GLRX2: variants seen among roughly 807,000 people sequenced by gnomAD.
GLRX2 encodes the protein bA101E13.1 (GRX2 glutaredoxin (thioltransferase) 2).
Under a neutral mutation model 16.4 loss-of-function variants are expected in GLRX2, and 12 were observed. That is an observed-to-expected ratio of 0.73 (90% CI 0.47 to 1.19). The LOEUF is 1.19. Among genes scored for constraint, GLRX2 ranks in the 50% most tolerant of loss-of-function variants. GLRX2 has a pLI of 0.00. For synonymous variants in GLRX2, 95 were observed against 76.2 expected, an observed-to-expected ratio of 1.25 and a Z score of -1.28; for missense variants, 201 against 201.8, an observed-to-expected ratio of 1.00 and a Z score of 0.02.
rs772567529 is a variant in GLRX2 at position 193,097,585 on chromosome 1, G to A, written c.359C>T (p.Thr120Ile). The change falls in exon 3 of 4, where the codon ACT becomes ATT. Residue 120 changes from threonine (T) to isoleucine (I), a missense_variant and splice_region_variant. Physicochemically the swap from Thr to Ile is moderately conservative, Grantham distance 89 (BLOSUM62 -1). Transcript: ENST00000367439. ...DALYKMTGER[T>I]VPRIFVNGTF... is the part of the protein sequence containing the mutation. ...CAGCACCACAGAGGATATACTCACA[G>A]TTCTTTCACCAGTCATTTTGTAAAG... 6.2e-7 allele frequency: 1 copy of A among 1,604,540 alleles called. No individual in the cohort carries two copies. The highest frequency in any genetic ancestry group is 8.5e-7 in the Non-Finnish European group (1 of 1,175,946).
At chr1:193,101,517 T>C (rs1675077485) in intron 1 of GLRX2, among the ~76,000 whole-genome samples, 1 of 152,212 alleles carries the variant, frequency 6.6e-6, no homozygotes, top group Non-Finnish European at 1.5e-5. Flanking sequence ...TCCTATGCCA[T>C]ATGACCTGAC....
rs542269155 is a variant in GLRX2 at position 193,100,633 on chromosome 1, AG to A, written c.183+507del. ...AAAATGGTATGTCTTGTAGGTTGCA[AG>A]GGAAGAAAAACATACATGTAAGAGA... On this transcript the variant is annotated intron_variant, in intron 2 of 3. Coordinates refer to ENST00000367439, the MANE Select transcript of GLRX2 (RefSeq NM_197962.3). 6.1e-4 allele frequency among the ~76,000 whole-genome samples: 93 copies of A among 152,226 alleles called. 1 individual carries two copies. The Middle Eastern group carries it at 0.01, about 17-fold the overall frequency.
At chr1:193,101,431 A>G (rs1490243304) in intron 1 of GLRX2, among the ~76,000 whole-genome samples, 1 of 152,234 alleles carries the variant, frequency 6.6e-6, no homozygotes, top group African/African-American at 2.4e-5. Context: ...ACCCTTAATT[A>G]TTTGATAAAA....
chr1:193,105,676 G>T (rs750133301), upstream of GLRX2: 3 of 1,565,930 alleles, frequency 1.9e-6, no homozygotes, highest in Non-Finnish European at 2.6e-6. Flanking sequence ...GTTTAGGGAC[G>T]CTCATAAAGG....
chr1:193,103,391 T>C (rs1294799826), intron 1 of GLRX2, among the ~76,000 whole-genome samples: 3 of 152,158 alleles, frequency 2.0e-5, no homozygotes, highest in Non-Finnish European at 4.4e-5. Flanking sequence ...GACAGCAATG[T>C]GTTATGCCAA....
At chr1:193,101,408 C>G (rs1431501390) in intron 1 of GLRX2, among the ~76,000 whole-genome samples, 1 of 152,194 alleles carries the variant, frequency 6.6e-6, no homozygotes, top group Non-Finnish European at 1.5e-5. Context: ...GCTTATGTAA[C>G]TAGCTTCCCA....
chr1:193,097,815 A>G, intron 2 of GLRX2, 55 bp from the exon 3 acceptor site: 1 of 1,239,916 alleles, frequency 8.1e-7, no homozygotes, highest in South Asian at 1.6e-5. Flanking sequence ...ATTTGGAAAT[A>G]AATTAAGATA....
Position 193,096,775 on chromosome 1 carries a change from A to G in GLRX2, c.361-16T>C. The G allele has an allele frequency of 6.3e-7, 1 of 1,592,648 alleles. No homozygotes were observed. Among genetic ancestry groups the G allele is most frequent in the Non-Finnish European group, 8.6e-7 (1 of 1,168,980 alleles). On this transcript the variant is annotated splice_polypyrimidine_tract_variant and intron_variant, in intron 3 of 3. Transcript: ENST00000367439. ...TTCTTGGAACCTGTTGGACAAACAA[A>G]AGAAGAATTAGGCTTTACTCTAGTA...
chr1:193,096,624 A>G lies in GLRX2; in HGVS notation c.*1T>C, dbSNP rs1256260235. ...TACTAGCAAACTTATTAGTATAAAC[A>G]TCACTGAAATTCTTTCCTCTTACTT... On this transcript the variant is annotated 3_prime_UTR_variant, in exon 4 of 4. Coordinates refer to ENST00000367439, the MANE Select transcript of GLRX2 (RefSeq NM_197962.3). The G allele has an allele frequency of 6.4e-7, 1 of 1,554,480 alleles. No individual in the cohort carries two copies. The highest frequency in any genetic ancestry group is 8.9e-7 in the Non-Finnish European group (1 of 1,129,580).
Position 193,097,732 on chromosome 1 carries a change from A to C in GLRX2, c.212T>G (p.Ile71Ser). Residue 71 changes from isoleucine (I) to serine (S), a missense_variant, in exon 3 of 4, where the codon ATT (isoleucine) becomes AGT (serine). Physicochemically the swap from Ile to Ser is moderately radical, Grantham distance 142. Coordinates refer to ENST00000367439, the MANE Select transcript of GLRX2 (RefSeq NM_197962.3). ...QETISDNCVV[I>S]FSKTSCSYCT... ...GTAAGAACAGGATGTTTTTGAGAAA[A>C]TCACCACACAATTATCAGAAATTGT... is the stretch of plus-strand genomic sequence containing the variant. The C allele has an allele frequency of 6.3e-7, 1 of 1,595,560 alleles. No individual in the cohort carries two copies. The highest frequency in any genetic ancestry group is 1.2e-5 in the South Asian group (1 of 86,860).
chr1:193,096,815 A>G, intron 3 of GLRX2, 56 bp from the exon 4 acceptor site: 1 of 1,320,214 alleles, frequency 7.6e-7, no homozygotes, highest in Non-Finnish European at 1.0e-6. Flanking sequence ...AACTAAGATC[A>G]TTTCACATAA....
rs752476632 is a variant in GLRX2, at chr1:193,096,652, T to C, written c.468A>G (p.Lys156=). Residue 156 remains lysine, a synonymous_variant, in exon 4 of 4, where the codon AAA becomes AAG. Coordinates refer to ENST00000367439, the MANE Select transcript of GLRX2 (RefSeq NM_197962.3). ...ACTGAAATTCTTTCCTCTTACTTTT[T>C]TTTAAATAACACTGATGAACTAGTG... ...LLPLVHQCYL[K]KSKRKEFQ 8.3e-5 allele frequency: 132 copies of C among 1,595,146 alleles called. No individual in the cohort carries two copies. The Middle Eastern group carries it at 1.2e-3, about 14-fold the overall frequency.
At chr1:193,104,807 T>G (rs907597160) in intron 1 of GLRX2, among the ~76,000 whole-genome samples, 7 of 152,264 alleles carry the variant, frequency 4.6e-5, no homozygotes, top group Admixed American at 6.5e-5. Context: ...CTTCACTTCC[T>G]GCAGTAGGGT....
intron 2 of GLRX2, among the ~76,000 whole-genome samples, chr1:193,097,972 G>C (rs1274194272): frequency 6.6e-6 from 1 of 152,114 alleles, no homozygotes; most frequent in Non-Finnish European, 1.5e-5. Context: ...GCCTGGCATA[G>C]AGCAATAACA....
intron 1 of GLRX2, among the ~76,000 whole-genome samples, chr1:193,103,584 G>C (rs1018429087): frequency 6.6e-6 from 1 of 152,030 alleles, no homozygotes; most frequent in African/African-American, 2.4e-5. Context: ...ACTATCCGAG[G>C]TTTTAGGCAT....
chr1:193,096,718 T>C lies in GLRX2; in HGVS notation c.402A>G (p.Ala134=). The change falls in exon 4 of 4, where the codon GCA becomes GCG. Residue 134 remains alanine (A), a synonymous_variant. Transcript: ENST00000367439. ...IFVNGTFIGG[A]TDTHRLHKEG... ...CTTTGTGAAGCCTATGAGTGTCAGT[T>C]GCACCTCCAATAAAAGTACCATTGA... The C allele has an allele frequency of 6.2e-7, 1 of 1,610,738 alleles. No homozygotes were observed. The highest frequency in any genetic ancestry group is 1.1e-5 in the South Asian group (1 of 90,822).
upstream of GLRX2, chr1:193,105,518 T>A: frequency 6.7e-7 from 1 of 1,503,340 alleles, no homozygotes; most frequent in Non-Finnish European, 8.9e-7. Flanking sequence ...GCCGGTCACC[T>A]CCTCGCAGCT....
chr1:193,105,732 C>G (rs1236210979), upstream of GLRX2: 4 of 1,433,514 alleles, frequency 2.8e-6, no homozygotes, highest in East Asian at 1.1e-4. Context: ...GGCAGACATG[C>G]TGGGGAAACG....
At chr1:193,105,489 C>T (rs1172314397), upstream of GLRX2, 22 of 1,505,970 alleles carry the variant, frequency 1.5e-5, no homozygotes, top group African/African-American at 2.9e-5. Flanking sequence ...TCCCGCCCCT[C>T]CGGACTGCCC....
Sources: allele counts gnomAD v4.1 joint callset (sites outside exome capture counted in the v4.1 genomes callset), GRCh38; gene constraint gnomAD v4.1.1; transcripts MANE v1.5; gene names NCBI Gene and HGNC (gene_info 2026-07-23, HGNC 2026-07-21).